ADGRG6: variants seen among roughly 807,000 people sequenced by gnomAD.
ADGRG6 encodes adhesion G protein-coupled receptor G6, also known as G-protein coupled receptor 126.
ADGRG6 carries 84 observed loss-of-function variants against 142.4 expected under a neutral mutation model. The observed-to-expected ratio is 0.59, with a 90% confidence interval of 0.49 to 0.71. ADGRG6 has a LOEUF of 0.71. Ranked by LOEUF, ADGRG6 falls within the 30% of genes least tolerant of loss-of-function variation. The probability of loss-of-function intolerance (pLI) is 0.00; values close to 1 mark genes in which losing one functional copy is unlikely to be tolerated. For synonymous variants in ADGRG6, 521 were observed against 520.5 expected (o/e 1.00, Z -0.01); for missense variants, 1,367 against 1,466.6 (o/e 0.93, Z 1.11).
intron 2 of ADGRG6, among the ~76,000 whole-genome samples, chr6:142,327,039 C>T (rs1453357097): frequency 2.0e-5 from 3 of 152,046 alleles, no homozygotes; most frequent in African/African-American, 7.2e-5. Flanking sequence ...GATAATTTCT[C>T]ATCTTGGTCT....
intron 2 of ADGRG6, among the ~76,000 whole-genome samples, chr6:142,326,808 G>C (rs1335199855): frequency 6.6e-6 from 1 of 152,024 alleles, no homozygotes; most frequent in Non-Finnish European, 1.5e-5. Flanking sequence ...TATGTGTGTG[G>C]AGGGGCATGA....
chr6:142,319,928 T>TA (rs944459663), intron 2 of ADGRG6, among the ~76,000 whole-genome samples: 6 of 152,170 alleles, frequency 3.9e-5, no homozygotes, highest in East Asian at 3.8e-4. Flanking sequence ...AGTAACAACT[T>TA]ACGTTTTTGG....
intron 2 of ADGRG6, among the ~76,000 whole-genome samples, chr6:142,321,219 G>A (rs1174307344): frequency 1.3e-5 from 2 of 151,432 alleles, no homozygotes; most frequent in Non-Finnish European, 2.9e-5. Context: ...ATAGCAATCT[G>A]CATGCTTTTA....
At chr6:142,408,953 T>C (rs1562374039) in intron 16 of ADGRG6, among the ~76,000 whole-genome samples, 1 of 152,192 alleles carries the variant, frequency 6.6e-6, no homozygotes, top group African/African-American at 2.4e-5. Flanking sequence ...CGTCTTAGAC[T>C]TCCGTGTTCA....
intron 2 of ADGRG6, among the ~76,000 whole-genome samples, chr6:142,356,831 A>G (rs1780469890): frequency 6.6e-6 from 1 of 152,234 alleles, no homozygotes; most frequent in South Asian, 2.1e-4. Flanking sequence ...CCACATAAGC[A>G]CGAATTACTT....
At position 142,405,844 on chromosome 6, in the gene ADGRG6, A is replaced by C; in HGVS notation, c.2268+16A>C. The C allele has an allele frequency of 6.5e-7, 1 of 1,544,424 alleles. No individual in the cohort carries two copies. The highest frequency in any genetic ancestry group is 2.3e-5 in the East Asian group (1 of 42,976). Reference sequence around the variant, plus strand: ...ACTTTTCCAGGTAAGCACATTCATTAAATTATTGTTTTTCAACTGCAAATG... The same window carrying C: ...ACTTTTCCAGGTAAGCACATTCATTCAATTATTGTTTTTCAACTGCAAATG... On this transcript the variant is annotated intron_variant, in intron 15 of 24. Transcript: ENST00000367609.
intron 1 of ADGRG6, 199 bp downstream of exon 1, chr6:142,302,530 C>G (rs1247226029): frequency 1.8e-6 from 1 of 552,046 alleles, no homozygotes; most frequent in East Asian, 3.1e-5. Flanking sequence ...GGAGTTGTGA[C>G]ATGTGTGTGT....
intron 1 of ADGRG6, among the ~76,000 whole-genome samples, chr6:142,307,718 C>T (rs1274572794): frequency 2.0e-5 from 3 of 152,034 alleles, no homozygotes; most frequent in Non-Finnish European, 2.9e-5. Context: ...TAATTTCTTA[C>T]TTACTAAAAC....
At chr6:142,320,479 A>G (rs1367751340) in intron 2 of ADGRG6, among the ~76,000 whole-genome samples, 2 of 152,082 alleles carry the variant, frequency 1.3e-5, no homozygotes, top group Non-Finnish European at 1.5e-5. Context: ...TAGTAGCATG[A>G]ATTAAAATGC....
At chr6:142,329,923 A>G (rs1213467527) in intron 2 of ADGRG6, among the ~76,000 whole-genome samples, 2 of 152,152 alleles carry the variant, frequency 1.3e-5, no homozygotes, top group Non-Finnish European at 2.9e-5. Flanking sequence ...GAGATACGTG[A>G]GCACTGATGA....
At chr6:142,375,958 CT>C (rs1328336804) in intron 4 of ADGRG6, among the ~76,000 whole-genome samples, 1 of 151,870 alleles carries the variant, frequency 6.6e-6, no homozygotes, top group East Asian at 1.9e-4. Flanking sequence ...CTATACTTTT[CT>C]AAAAAATATT....
At chr6:142,331,681 A>G (rs1399347683) in intron 2 of ADGRG6, among the ~76,000 whole-genome samples, 1 of 152,174 alleles carries the variant, frequency 6.6e-6, no homozygotes, top group East Asian at 1.9e-4. Context: ...GGCAGTGTTA[A>G]TGGAATAGAA....
intron 2 of ADGRG6, among the ~76,000 whole-genome samples, chr6:142,336,620 A>G (rs2114692807): frequency 6.6e-6 from 1 of 152,342 alleles, no homozygotes; most frequent in Middle Eastern, 3.4e-3. Flanking sequence ...ATATTGAGGC[A>G]TGTTCTAAGG....
chr6:142,315,860 T>C (rs1187503875), intron 2 of ADGRG6, among the ~76,000 whole-genome samples: 2 of 144,078 alleles, frequency 1.4e-5, no homozygotes, highest in Non-Finnish European at 3.0e-5. Context: ...AATAAATAAA[T>C]AAATAAATAA....
intron 2 of ADGRG6, among the ~76,000 whole-genome samples, chr6:142,338,013 C>CTTTTTTTTTTTTTTTTTTT: frequency 1.0e-3 from 27 of 26,062 alleles, no homozygotes; most frequent in Non-Finnish European, 1.4e-3. Context: ...TGCCTTGTAT[C>CTTTTTTTTTTTTTTTTTTT]TTTGTTTTTT....
Position 142,320,359 on chromosome 6 carries a change from A to G in ADGRG6, c.103+10715A>G, listed in dbSNP as rs1778452145. On this transcript the variant is annotated intron_variant, in intron 2 of 24. Coordinates refer to ENST00000367609, the MANE Select transcript of ADGRG6 (RefSeq NM_198569.3). ...TATGTTGGATTTGATTTAAACTTGAACAGCACACACCAAGCATTAAAGCAC... is the reference window on the plus strand; with the variant it reads ...TATGTTGGATTTGATTTAAACTTGAGCAGCACACACCAAGCATTAAAGCAC... Among the ~76,000 whole-genome samples the G allele has an allele frequency of 2.0e-5, 3 of 152,228 alleles. No homozygotes were observed. The South Asian group carries it at 6.2e-4, about 32-fold the overall frequency.
At chr6:142,396,522 A>C (rs1037061390) in intron 9 of ADGRG6, among the ~76,000 whole-genome samples, 2 of 152,144 alleles carry the variant, frequency 1.3e-5, no homozygotes, top group African/African-American at 4.8e-5. Flanking sequence ...TTATTTTTTA[A>C]CACCACAAAT....
At chr6:142,436,168 G>C (rs1490729417) in intron 22 of ADGRG6, among the ~76,000 whole-genome samples, 2 of 152,084 alleles carry the variant, frequency 1.3e-5, no homozygotes, top group Non-Finnish European at 2.9e-5. Flanking sequence ...AGTATGTGGT[G>C]CTTATATTTT....
At chr6:142,318,626 A>G (rs1240729570) in intron 2 of ADGRG6, among the ~76,000 whole-genome samples, 1 of 151,294 alleles carries the variant, frequency 6.6e-6, no homozygotes, top group South Asian at 2.1e-4. Context: ...AAAAATTCTC[A>G]TGGATAGATA....
Sources: gnomAD v4.1 joint callset for allele counts (sites outside exome capture counted in the v4.1 genomes callset) on GRCh38, gnomAD v4.1.1 for gene constraint, MANE v1.5 for transcripts, NCBI Gene and HGNC (gene_info 2026-07-23, HGNC 2026-07-21) for gene names.